ZNF782: variants seen among roughly 807,000 people sequenced by gnomAD.
ZNF782 encodes the protein zinc finger protein 782.
In ZNF782, 12 loss-of-function variants were observed where a neutral mutation model predicts 13.0. The ratio of observed to expected loss-of-function variants is 0.92; its 90% CI spans 0.59 to 1.50. The LOEUF is 1.50. Ranked by LOEUF, ZNF782 falls within the 40% of genes most tolerant of loss-of-function variation. The pLI is 0.00. For synonymous variants in ZNF782, 284 were observed against 283.0 expected, an observed-to-expected ratio of 1.00 and a Z score of -0.04; for missense variants, 770 against 822.9, an observed-to-expected ratio of 0.94 and a Z score of 0.79.
rs566429616 is a variant in ZNF782 at position 96,864,003 on chromosome 9, C to G, written c.-456-2400G>C. Among the ~76,000 whole-genome samples the G allele has an allele frequency of 5.3e-5, 8 of 151,802 alleles. No individual in the cohort carries two copies. The South Asian group carries it at 1.5e-3, about 28-fold the overall frequency. The stretch of plus-strand genomic sequence containing the variant: ...GCAAAAACCACCTGTACCTCAAAAA[C>G]TATTGAAATAAAATTAAAAACCATT... On this transcript the variant is annotated intron_variant, in intron 1 of 5. Transcript: ENST00000498811.
intron 1 of ZNF782, among the ~76,000 whole-genome samples, chr9:96,874,248 C>G (rs947732643): frequency 2.0e-5 from 3 of 152,202 alleles, no homozygotes; most frequent in African/African-American, 7.2e-5. Flanking sequence ...CATGGACACT[C>G]TGAGGTCCAA....
upstream of ZNF782, among the ~76,000 whole-genome samples, chr9:96,856,969 C>G (rs892218188): frequency 1.4e-4 from 21 of 152,208 alleles, no homozygotes; most frequent in African/African-American, 4.8e-4. Context: ...GAGACCTGCG[C>G]CTGCCATGCT....
Position 96,836,398 on chromosome 9 carries a change from C to T in ZNF782, c.142+8492G>A, listed in dbSNP as rs149290071. On this transcript the variant is annotated intron_variant, in intron 4 of 5. Transcript: ENST00000481138. ...CTAATTTTTGTATTTTTAGTAGAGA[C>T]GGGGTTTCACTATGTTGGTCTTGAA... Among the ~76,000 whole-genome samples the T allele has an allele frequency of 9.3e-3, 1,407 of 152,024 alleles. 52 individuals are homozygous for T. In the East Asian group the frequency reaches 0.1, roughly 11 times the overall value.
intron 5 of ZNF782, among the ~76,000 whole-genome samples, chr9:96,825,529 T>C (rs1224765354): frequency 2.0e-5 from 3 of 151,008 alleles, no homozygotes; most frequent in African/African-American, 7.2e-5. Context: ...CCAAAAGCAA[T>C]GGCAACAAAA....
the ZNF782 span, among the ~76,000 whole-genome samples, chr9:96,914,068 G>A: frequency 2.6e-5 from 4 of 151,788 alleles, no homozygotes; most frequent in South Asian, 6.3e-4. Flanking sequence ...ATTAGGGGAC[G>A]AGTAATAAAA....
chr9:96,931,748 A>C, the ZNF782 span: 2 of 1,611,310 alleles, frequency 1.2e-6, no homozygotes, highest in Non-Finnish European at 1.7e-6. Context: ...ACCCGGCGTG[A>C]CCGTGAACCC....
chr9:96,914,455 T>G, the ZNF782 span, among the ~76,000 whole-genome samples: 1 of 151,876 alleles, frequency 6.6e-6, no homozygotes, highest in Admixed American at 6.6e-5. Context: ...CGCACATAAT[T>G]TATGCTCTAC....
At chr9:96,910,916 G>A in the ZNF782 span, among the ~76,000 whole-genome samples, 2 of 150,092 alleles carry the variant, frequency 1.3e-5, no homozygotes, top group Non-Finnish European at 3.0e-5. Flanking sequence ...GATTACAGGC[G>A]TGAGCCATCG....
chr9:96,878,011 C>T (rs1312463526), upstream of ZNF782, among the ~76,000 whole-genome samples: 1 of 152,164 alleles, frequency 6.6e-6, no homozygotes, highest in Non-Finnish European at 1.5e-5. Context: ...GGCAACTTGG[C>T]AACTTGTTAA....
the ZNF782 span, chr9:96,902,779 T>C: frequency 2.9e-5 from 4 of 138,802 alleles, no homozygotes; most frequent in African/African-American, 1.1e-4. Flanking sequence ...GTTCTATCAG[T>C]TTATTATTAT....
the ZNF782 span, among the ~76,000 whole-genome samples, chr9:96,905,798 C>A: frequency 2.6e-5 from 4 of 152,250 alleles, no homozygotes; most frequent in African/African-American, 9.6e-5. Context: ...GTTGGCCAGG[C>A]TGGTCTCGAA....
At position 96,827,199 on chromosome 9, in the gene ZNF782, T is replaced by C. The variant is rs768229374; in HGVS notation, c.143-18A>G. On this transcript the variant is annotated intron_variant, in intron 4 of 5. Transcript: ENST00000481138. ...GCAGTAGCCTATAAATGGGAAACAA[T>C]TTAGCATTTGCATTAGTTGCATAGG... 6.4e-7 allele frequency: 1 copy of C among 1,570,604 alleles called. No individual in the cohort carries two copies. The highest frequency in any genetic ancestry group is 8.7e-7 in the Non-Finnish European group (1 of 1,147,882).
chr9:96,826,525 G>T (rs914758702), intron 5 of ZNF782, among the ~76,000 whole-genome samples: 1 of 149,832 alleles, frequency 6.7e-6, no homozygotes, highest in Non-Finnish European at 1.5e-5. Context: ...TTGTGCACAT[G>T]TACCCTAAAA....
At chr9:96,866,258 G>A (rs574162762) in intron 1 of ZNF782, among the ~76,000 whole-genome samples, 4 of 152,262 alleles carry the variant, frequency 2.6e-5, no homozygotes, top group South Asian at 2.1e-4. Context: ...GCTGTGCCCG[G>A]GGTTCCTCAG....
the ZNF782 span, among the ~76,000 whole-genome samples, chr9:96,886,852 G>C: frequency 6.6e-6 from 1 of 151,098 alleles, no homozygotes; most frequent in African/African-American, 2.4e-5. Context: ...GAACCTGGGA[G>C]GTGGAGGTTG....
the ZNF782 span, among the ~76,000 whole-genome samples, chr9:96,916,656 T>C: frequency 4.6e-5 from 7 of 152,044 alleles, no homozygotes; most frequent in African/African-American, 1.7e-4. Context: ...GACACTCCTA[T>C]AGCTAGATGC....
Position 96,824,852 on chromosome 9 carries a change from T to C in ZNF782, c.244+2228A>G, listed in dbSNP as rs1340051076. ...ACCTAGGAATCCAACTTACAAGGGA[T>C]GTGAAGGACCTCTTCAAGGAGAACT... is the stretch of plus-strand genomic sequence containing the variant. On this transcript the variant is annotated intron_variant, in intron 5 of 5. Transcript: ENST00000481138. Among the ~76,000 whole-genome samples, 982 of 147,882 alleles carry C rather than the reference T, an allele frequency of 6.6e-3. 4 individuals are homozygous for C. The highest frequency in any genetic ancestry group is 0.05 in the Middle Eastern group (14 of 280).
chr9:96,840,491 A>T (rs1057430105), intron 4 of ZNF782, among the ~76,000 whole-genome samples: 1 of 151,794 alleles, frequency 6.6e-6, no homozygotes, highest in African/African-American at 2.4e-5. Context: ...AAAAATTACA[A>T]TTTTTTTTAA....
the ZNF782 span, among the ~76,000 whole-genome samples, chr9:96,920,648 G>T: frequency 3.3e-5 from 5 of 149,636 alleles, no homozygotes; most frequent in African/African-American, 4.9e-5. Context: ...TGGGCACAGT[G>T]GCTCACGCCT....
Sources: gnomAD v4.1 joint callset for allele counts (sites outside exome capture counted in the v4.1 genomes callset) on GRCh38, gnomAD v4.1.1 for gene constraint, MANE v1.5 for transcripts, NCBI Gene and HGNC (gene_info 2026-07-23, HGNC 2026-07-21) for gene names.